Variants in FRAS1 observed in about 807,000 individuals in gnomAD.
FRAS1 encodes Fraser extracellular matrix complex subunit 1.
In FRAS1, 290 loss-of-function variants were observed where a neutral mutation model predicts 435.2. The observed-to-expected ratio is 0.67, with a 90% CI of 0.61 to 0.73. The LOEUF is 0.73. FRAS1 is among the 30% of genes least tolerant of loss of function. FRAS1 has a pLI of 0.00. For synonymous variants in FRAS1, 1,800 were observed against 1,851.0 expected (o/e 0.97, Z 0.71); for missense variants, 4,860 against 5,001.5 (o/e 0.97, Z 0.85).
At chr4:78,505,476 T>G (rs893541154) in intron 61 of FRAS1, among the ~76,000 whole-genome samples, 1 of 152,242 alleles carries the variant, frequency 6.6e-6, no homozygotes, top group East Asian at 1.9e-4. Context: ...TTTCATTAAT[T>G]TGATCTTCAA....
At chr4:78,128,892 A>G (rs1342448608) in intron 2 of FRAS1, among the ~76,000 whole-genome samples, 3 of 152,124 alleles carry the variant, frequency 2.0e-5, no homozygotes, top group Non-Finnish European at 4.4e-5. Context: ...TTTTAGGTCT[A>G]CCATTTAAGT....
chr4:78,237,591 A>C lies in FRAS1; in HGVS notation c.190A>C (p.Arg64=), dbSNP rs770705017. The C allele has an allele frequency of 6.2e-7, 1 of 1,610,688 alleles. No homozygotes were observed. The highest frequency in any genetic ancestry group is 8.5e-7 in the Non-Finnish European group (1 of 1,177,736). Residue 64 remains arginine (R), a synonymous_variant, in exon 3 of 74, where the codon AGA becomes CGA. Coordinates refer to ENST00000512123, the MANE Select transcript of FRAS1 (RefSeq NM_025074.7). ...DIVICKPAVC[R]NPQCAFEKGE... Reference sequence around the variant, plus strand: ...TGTTATCTGCAAACCTGCTGTTTGCAGAAACCCTCAATGTGCCTTTGAGAA... The same window carrying C: ...TGTTATCTGCAAACCTGCTGTTTGCCGAAACCCTCAATGTGCCTTTGAGAA...
chr4:78,314,220 G>C (rs750149332), intron 15 of FRAS1, among the ~76,000 whole-genome samples: 3 of 151,872 alleles, frequency 2.0e-5, no homozygotes, highest in East Asian at 3.9e-4. Flanking sequence ...GCTTGTATAT[G>C]ATGACCCCAT....
rs1731175766 is a variant in FRAS1, at chr4:78,364,005, C to G, written c.2673C>G (p.Ser891Arg). The change falls in exon 22 of 74, where the codon AGC becomes AGG. Residue 891 changes from serine (S) to arginine (R), a missense_variant. Ser to Arg is a moderately radical substitution (Grantham distance 110). Transcript: ENST00000512123. ...NLVLSHTGTC[S>R]TTCFPGHYLD... ...TGCTGTCCCACACTGGCACCTGCAG[C>G]ACCACCTGCTTCCCTGGGCACTATC... The G allele has an allele frequency of 6.2e-7, 1 of 1,607,414 alleles. No individual in the cohort carries two copies. Among genetic ancestry groups the G allele is most frequent in the South Asian group, 1.1e-5 (1 of 89,718 alleles).
At chr4:78,313,630 C>G (rs1371765428) in intron 15 of FRAS1, among the ~76,000 whole-genome samples, 1 of 152,230 alleles carries the variant, frequency 6.6e-6, no homozygotes, top group African/African-American at 2.4e-5. Context: ...TTTCTCTGCT[C>G]TGTTCAAAGC....
At chr4:78,443,621 G>A (rs992885681) in intron 41 of FRAS1, among the ~76,000 whole-genome samples, 3 of 152,160 alleles carry the variant, frequency 2.0e-5, no homozygotes, top group Non-Finnish European at 2.9e-5. Context: ...TCGCCTGTGC[G>A]CATCAACACC....
chr4:78,540,786 C>T lies in FRAS1; in HGVS notation c.11701C>T (p.Gln3901Ter), dbSNP rs767600968. The T allele has an allele frequency of 6.2e-7, 1 of 1,613,864 alleles. No individual in the cohort carries two copies. Among genetic ancestry groups the T allele is most frequent in the Non-Finnish European group, 8.5e-7 (1 of 1,179,780 alleles). ...GTTGGCGGTAGCTGCGTCCCTGTCA[C>T]AGACTGGGGCGTCCATTGGCAGTGC... ...QELAVAASLS[Q>*]TGASIGSALA... is the part of the protein sequence containing the mutation. Residue 3901 changes from glutamine to a stop codon, truncating the protein, a stop_gained, in exon 74 of 74, where the codon CAG becomes TAG. Transcript: ENST00000512123. LOFTEE classifies it high-confidence loss of function.
At chr4:78,220,613 A>G (rs1724012417) in intron 2 of FRAS1, among the ~76,000 whole-genome samples, 2 of 152,204 alleles carry the variant, frequency 1.3e-5, no homozygotes, top group Admixed American at 6.5e-5. Context: ...CCAAATGGAG[A>G]AAATTTCTCA....
At chr4:78,474,762 C>A (rs1310967338) in intron 53 of FRAS1, among the ~76,000 whole-genome samples, 1 of 152,166 alleles carries the variant, frequency 6.6e-6, no homozygotes, top group African/African-American at 2.4e-5. Context: ...TGGTGAAAAA[C>A]AAAGCCCAGC....
intron 2 of FRAS1, among the ~76,000 whole-genome samples, chr4:78,157,041 G>A (rs530310796): frequency 6.6e-4 from 100 of 152,322 alleles, no homozygotes; most frequent in Admixed American, 2.0e-3. Flanking sequence ...TTTAAGCTCT[G>A]TTGAGTGAAA....
chr4:78,495,412 T>C (rs75764585), intron 59 of FRAS1, among the ~76,000 whole-genome samples: 1,737 of 152,270 alleles, frequency 0.011, 28 homozygotes, highest in African/African-American at 0.04. Context: ...CCCTAGATTC[T>C]TCCTCTGTTC....
At position 78,482,458 on chromosome 4, in the gene FRAS1, T is replaced by C. The variant is rs759673201; in HGVS notation, c.8675T>C (p.Phe2892Ser). 1.9e-6 allele frequency: 3 copies of C among 1,613,960 alleles called. No homozygotes were observed. The highest frequency in any genetic ancestry group is 1.7e-6 in the Non-Finnish European group (2 of 1,179,848). ...VIEGLETFVV[F>S]LSSAQGAELT... Reference sequence around the variant, plus strand: ...GAAGGACTGGAGACATTTGTGGTTTTCCTCAGCTCAGCACAAGGAGCCGAA... The same window carrying C: ...GAAGGACTGGAGACATTTGTGGTTTCCCTCAGCTCAGCACAAGGAGCCGAA... The change falls in exon 58 of 74, where the codon TTC becomes TCC. Residue 2892 changes from phenylalanine to serine, a missense_variant. Phe to Ser is a radical substitution (Grantham distance 155, BLOSUM62 -2). Transcript: ENST00000512123.
intron 20 of FRAS1, among the ~76,000 whole-genome samples, chr4:78,357,467 G>A (rs368317033): frequency 1.3e-5 from 2 of 152,252 alleles, no homozygotes; most frequent in South Asian, 4.2e-4. Context: ...CCATAAGAGG[G>A]GCAGGCAGGA....
chr4:78,058,101 CGCGTGTGTGTGTGTGTGTGCGTGT>C lies in FRAS1; in HGVS notation c.76+31_76+54del. On this transcript the variant is annotated intron_variant, in intron 1 of 73. Coordinates refer to ENST00000512123, the MANE Select transcript of FRAS1 (RefSeq NM_025074.7). ...CATTCCGAAGGTGAGAGAGCGGTGCCGCGTGTGTGTGTGTGTGTGCGTGTGCGTGTGTGTGTGTATGTGTGAGTG... is the reference window on the plus strand; with the variant it reads ...CATTCCGAAGGTGAGAGAGCGGTGCCGCGTGTGTGTGTGTATGTGTGAGTG... 3 of 1,553,838 alleles carry C rather than the reference CGCGTGTGTGTGTGTGTGTGCGTGT, an allele frequency of 1.9e-6. No homozygotes were observed. Among genetic ancestry groups the C allele is most frequent in the Non-Finnish European group, 2.6e-6 (3 of 1,141,314 alleles).
Position 78,286,446 on chromosome 4 carries a change from T to C in FRAS1, c.1441T>C (p.Cys481Arg). The change falls in exon 14 of 74, where the codon TGC becomes CGC. Residue 481 changes from cysteine (C) to arginine (R), a missense_variant. Transcript: ENST00000512123. ...CTCCACGTGTACCAGTGGGCTGGAG[T>C]GCTCATCCTGCCAGCCTCCCCTGCT... The part of the protein sequence containing the change: ...QCSTCTSGLE[C>R]SSCQPPLLMR... The C allele has an allele frequency of 1.9e-6, 3 of 1,613,522 alleles. No homozygotes were observed. The highest frequency in any genetic ancestry group is 2.5e-6 in the Non-Finnish European group (3 of 1,179,772).
At chr4:78,391,347 G>A (rs1309246704) in intron 29 of FRAS1, among the ~76,000 whole-genome samples, 1 of 152,174 alleles carries the variant, frequency 6.6e-6, no homozygotes, top group Non-Finnish European at 1.5e-5. Flanking sequence ...TTCTGTTGGG[G>A]GAAGGAGGCA....
chr4:78,079,657 T>C (rs531741312), intron 2 of FRAS1, among the ~76,000 whole-genome samples: 76 of 152,120 alleles, frequency 5.0e-4, no homozygotes, highest in Non-Finnish European at 8.5e-4. Context: ...GGCAGCCTCC[T>C]TGTGATGGCA....
chr4:78,274,353 C>T (rs1726883386), intron 9 of FRAS1, among the ~76,000 whole-genome samples: 1 of 152,140 alleles, frequency 6.6e-6, no homozygotes, highest in Non-Finnish European at 1.5e-5. Flanking sequence ...TTGCCTTCTG[C>T]TAGCTTTTGA....
chr4:78,314,788 A>G lies in FRAS1; in HGVS notation c.1679-806A>G, dbSNP rs145926059. Reference sequence around the variant, plus strand: ...ATTCCCTTCAGCCTGACATGGTCCTACTGCTTCCTAAGACAATGCTCAACG... The same window carrying G: ...ATTCCCTTCAGCCTGACATGGTCCTGCTGCTTCCTAAGACAATGCTCAACG... On this transcript the variant is annotated intron_variant, in intron 15 of 73. Transcript: ENST00000512123. 2.2e-3 allele frequency among the ~76,000 whole-genome samples: 334 copies of G among 152,202 alleles called. 1 individual carries two copies. The Middle Eastern group carries it at 0.027, about 12-fold the overall frequency.
Sources: allele counts gnomAD v4.1 joint callset (sites outside exome capture counted in the v4.1 genomes callset), GRCh38; gene constraint gnomAD v4.1.1; transcripts MANE v1.5; gene names NCBI Gene and HGNC (gene_info 2026-07-23, HGNC 2026-07-21).